KIAA1217: variants seen among roughly 807,000 people sequenced by gnomAD.
The protein encoded by KIAA1217 is sickle tail protein homolog.
A neutral mutation model predicts 163.9 loss-of-function variants in KIAA1217; 88 were observed. The observed-to-expected ratio is 0.54, with a 90% CI of 0.45 to 0.64. The LOEUF (loss-of-function observed/expected upper bound fraction) is 0.64. Among genes scored for constraint, KIAA1217 ranks in the 30% least tolerant of loss-of-function variants. KIAA1217 has a pLI of 0.00. For synonymous variants in KIAA1217, 903 were observed against 923.1 expected, an observed-to-expected ratio of 0.98 and a Z score of 0.39; for missense variants, 2,372 against 2,475.0, an observed-to-expected ratio of 0.96 and a Z score of 0.88.
intron 1 of KIAA1217, among the ~76,000 whole-genome samples, chr10:23,913,894 G>A (rs1842538225): frequency 6.6e-6 from 1 of 152,120 alleles, no homozygotes; most frequent in African/African-American, 2.4e-5. Flanking sequence ...ACACAGGGAA[G>A]GCATGGCTGG....
chr10:24,044,888 T>G (rs1848885760), intron 2 of KIAA1217, among the ~76,000 whole-genome samples: 1 of 152,092 alleles, frequency 6.6e-6, no homozygotes, highest in African/African-American at 2.4e-5. Flanking sequence ...GCCCCTTTTT[T>G]TCTAGATGCT....
At position 24,434,008 on chromosome 10, in the gene KIAA1217, C is replaced by CCTCT. The variant is rs1158383682; in HGVS notation, c.752+830_752+833dup. ...TTAGAAACAAAAGCATCTCTCTCTC[C>CCTCT]CTCTCTCTCTCTCTCTCTTTTTTTT... On this transcript the variant is annotated intron_variant, in intron 4 of 20. Transcript: ENST00000376454. 5.8e-4 allele frequency among the ~76,000 whole-genome samples: 73 copies of CCTCT among 125,980 alleles called. 1 individual carries two copies. The highest frequency in any genetic ancestry group is 2.0e-3 in the African/African-American group (61 of 31,178). The allele number at this position is 125,980 out of a possible 152,430, so 82.6% of individuals were successfully genotyped here.
intron 2 of KIAA1217, among the ~76,000 whole-genome samples, chr10:24,335,584 T>TCTTATTTATTTA (rs1554820371): frequency 7.2e-6 from 1 of 138,398 alleles, no homozygotes; most frequent in Non-Finnish European, 1.5e-5. Flanking sequence ...TTTTATCTTA[T>TCTTATTTATTTA]TTTATTTATT....
chr10:24,183,393 C>G (rs1033692195), intron 2 of KIAA1217, among the ~76,000 whole-genome samples: 1 of 152,134 alleles, frequency 6.6e-6, no homozygotes, highest in Non-Finnish European at 1.5e-5. Context: ...TACCTCTTTT[C>G]TTCTGATTGT....
intron 3 of KIAA1217, among the ~76,000 whole-genome samples, chr10:24,428,238 G>T (rs374860242): frequency 1.3e-5 from 2 of 152,154 alleles, no homozygotes; most frequent in African/African-American, 2.4e-5. Flanking sequence ...CCTCAAGAGC[G>T]GTTTTGGCCT....
At chr10:23,763,442 C>T (rs1834360715) in intron 1 of KIAA1217, among the ~76,000 whole-genome samples, 1 of 152,192 alleles carries the variant, frequency 6.6e-6, no homozygotes, top group Admixed American at 6.5e-5. Flanking sequence ...AGAACAGAGA[C>T]CCCAGAAATA....
At chr10:24,545,733 G>A in intron 20 of KIAA1217, 94 bp from the exon 21 acceptor site, 1 of 1,518,750 alleles carries the variant, frequency 6.6e-7, no homozygotes, top group Non-Finnish European at 8.8e-7. Context: ...TTCTTTGATT[G>A]AATTATTCTC....
intron 2 of KIAA1217, among the ~76,000 whole-genome samples, chr10:24,062,215 G>T (rs112287280): frequency 9.3e-5 from 14 of 151,124 alleles, no homozygotes; most frequent in Admixed American, 3.3e-4. Flanking sequence ...GTATACATGT[G>T]CCATGTTGGT....
intron 2 of KIAA1217, among the ~76,000 whole-genome samples, chr10:24,124,036 G>A (rs2063381039): frequency 6.6e-6 from 1 of 152,104 alleles, no homozygotes; most frequent in Non-Finnish European, 1.5e-5. Flanking sequence ...TTATCATATA[G>A]AAGTTAAAAG....
chr10:24,092,537 G>A (rs1344572734), intron 2 of KIAA1217, among the ~76,000 whole-genome samples: 1 of 151,752 alleles, frequency 6.6e-6, no homozygotes, highest in East Asian at 1.9e-4. Flanking sequence ...TACACAAATT[G>A]CAGTCTGTGT....
At chr10:24,369,618 A>T (rs1471430528) in intron 2 of KIAA1217, among the ~76,000 whole-genome samples, 1 of 152,210 alleles carries the variant, frequency 6.6e-6, no homozygotes, top group African/African-American at 2.4e-5. Flanking sequence ...AGATGAGCTT[A>T]AAAATGGCTT....
intron 2 of KIAA1217, among the ~76,000 whole-genome samples, chr10:24,168,048 A>G (rs1346178102): frequency 6.6e-6 from 1 of 152,140 alleles, no homozygotes; most frequent in African/African-American, 2.4e-5. Flanking sequence ...TAGGTTTCCA[A>G]CATATGAACC....
At chr10:24,239,697 TTGTGTG>T (rs371741568) in intron 2 of KIAA1217, among the ~76,000 whole-genome samples, 3 of 81,030 alleles carry the variant, frequency 3.7e-5, no homozygotes, top group Admixed American at 1.3e-4. Flanking sequence ...GTGTGTGTGT[TTGTGTG>T]TGTGTGTGTG....
intron 1 of KIAA1217, among the ~76,000 whole-genome samples, chr10:23,970,587 T>C (rs1845272463): frequency 6.6e-6 from 1 of 152,210 alleles, no homozygotes; most frequent in South Asian, 2.1e-4. Context: ...ATGACTATAG[T>C]TAATAATAAT....
At chr10:23,892,953 T>C (rs1024392999) in intron 1 of KIAA1217, among the ~76,000 whole-genome samples, 4 of 151,968 alleles carry the variant, frequency 2.6e-5, no homozygotes, top group African/African-American at 9.7e-5. Flanking sequence ...GAAGATTCTC[T>C]TTTTTGGTTG....
chr10:23,762,749 T>A (rs1287321885), intron 1 of KIAA1217, among the ~76,000 whole-genome samples: 1 of 152,136 alleles, frequency 6.6e-6, no homozygotes, highest in East Asian at 1.9e-4. Flanking sequence ...TTCAACATAC[T>A]ATTGGAATTT....
intron 2 of KIAA1217, among the ~76,000 whole-genome samples, chr10:24,017,033 T>C (rs1847508574): frequency 1.0e-5 from 1 of 97,434 alleles, no homozygotes; most frequent in Admixed American, 1.1e-4. Flanking sequence ...GGTTAGTTAG[T>C]TTTTTTGTTT....
intron 2 of KIAA1217, among the ~76,000 whole-genome samples, chr10:24,270,013 G>A (rs888691239): frequency 2.0e-5 from 3 of 152,216 alleles, no homozygotes; most frequent in Non-Finnish European, 4.4e-5. Flanking sequence ...ATCGCCCCCT[G>A]CCACAGGAGT....
intron 1 of KIAA1217, among the ~76,000 whole-genome samples, chr10:23,957,795 T>G (rs1234028728): frequency 6.6e-6 from 1 of 152,168 alleles, no homozygotes; most frequent in East Asian, 1.9e-4. Flanking sequence ...CATACACCTT[T>G]GAACACCCTT....
Sources: allele counts gnomAD v4.1 joint callset (sites outside exome capture counted in the v4.1 genomes callset), GRCh38; gene constraint gnomAD v4.1.1; transcripts MANE v1.5; gene names NCBI Gene and HGNC (gene_info 2026-07-23, HGNC 2026-07-21).